DYRK3: variants seen among roughly 807,000 people sequenced by gnomAD.
The protein encoded by DYRK3 is dual specificity tyrosine phosphorylation regulated kinase 3.
A neutral mutation model predicts 40.8 loss-of-function variants in DYRK3; 30 were observed. That is an observed-to-expected ratio of 0.74 (90% CI 0.55 to 1.00). DYRK3 has a LOEUF of 1.00. DYRK3 is among the 50% of genes least tolerant of loss of function. The pLI, the probability that DYRK3 is intolerant of heterozygous loss-of-function variation, is 0.00. For synonymous variants in DYRK3, 272 were observed against 260.7 expected, an observed-to-expected ratio of 1.04 and a Z score of -0.42; for missense variants, 699 against 731.5, an observed-to-expected ratio of 0.96 and a Z score of 0.51.
At position 206,649,831 on chromosome 1, in the gene DYRK3, T is replaced by C. The variant is rs1198205909; in HGVS notation, c.*866T>C. ...GCCTCCTTGCTGCATTTTCATAGAATCTCTTCCTTATAAAAGTAATCACTC... is the reference window on the plus strand; with the variant it reads ...GCCTCCTTGCTGCATTTTCATAGAACCTCTTCCTTATAAAAGTAATCACTC... On this transcript the variant is annotated 3_prime_UTR_variant, in exon 3 of 3. Coordinates refer to ENST00000367109, the MANE Select transcript of DYRK3 (RefSeq NM_003582.4). 6.6e-6 allele frequency among the ~76,000 whole-genome samples: 1 copy of C among 152,180 alleles called. No individual in the cohort carries two copies. Among genetic ancestry groups the C allele is most frequent in the African/African-American group, 2.4e-5 (1 of 41,434 alleles).
chr1:206,647,974 A>C lies in DYRK3; in HGVS notation c.776A>C (p.His259Pro). 2 of 1,614,178 alleles carry C rather than the reference A, an allele frequency of 1.2e-6. No individual in the cohort carries two copies. The highest frequency in any genetic ancestry group is 4.5e-5 in the East Asian group (2 of 44,874). The change falls in exon 3 of 3, where the codon CAT becomes CCT. Residue 259 changes from histidine to proline, a missense_variant. Coordinates refer to ENST00000367109, the MANE Select transcript of DYRK3 (RefSeq NM_003582.4). ...QAAEEIRILE[H>P]LKKQDKTGSM... ...GCTGAGGAGATCCGGATTTTGGAGCATCTTAAGAAACAGGATAAAACTGGT... is the reference window on the plus strand; with the variant it reads ...GCTGAGGAGATCCGGATTTTGGAGCCTCTTAAGAAACAGGATAAAACTGGT...
At chr1:206,636,838 T>C in intron 1 of DYRK3, 1 of 1,425,622 alleles carries the variant, frequency 7.0e-7, no homozygotes, top group Non-Finnish European at 9.6e-7. Context: ...TCTTGTGGAT[T>C]AAATAAATCC....
intron 2 of DYRK3, among the ~76,000 whole-genome samples, 194 bp from the exon 3 acceptor site, chr1:206,647,194 A>G (rs1671480034): frequency 6.6e-6 from 1 of 152,206 alleles, no homozygotes; most frequent in Non-Finnish European, 1.5e-5. Context: ...GGATGGCCGC[A>G]ATATTCAGGG....
At position 206,653,867 on chromosome 1, in the gene DYRK3, AG is replaced by A. The variant is rs1671691558; in HGVS notation, c.*4904del. ...GGTGTTTAAGGGAGTTGGGGCAGAC[AG>A]GTTAGCTGGCTAATGTCATTACAAT... On this transcript the variant is annotated 3_prime_UTR_variant, in exon 3 of 3. Transcript: ENST00000367109. Among the ~76,000 whole-genome samples, 1 of 152,270 alleles carries A rather than the reference AG, an allele frequency of 6.6e-6. No homozygotes were observed. The highest frequency in any genetic ancestry group is 2.1e-4 in the South Asian group (1 of 4,836).
rs1671598436 is a variant in DYRK3 at position 206,650,282 on chromosome 1, T to C, written c.*1317T>C. Among the ~76,000 whole-genome samples, 1 of 152,340 alleles carries C rather than the reference T, an allele frequency of 6.6e-6. No homozygotes were observed. The highest frequency in any genetic ancestry group is 6.5e-5 in the Admixed American group (1 of 15,298). ...CAAGTTCTATCCTAAATGTGTGCTC[T>C]TGGCTGGGTATTAGTGGCTCATGCC... On this transcript the variant is annotated 3_prime_UTR_variant, in exon 3 of 3. Transcript: ENST00000367109.
intron 2 of DYRK3, among the ~76,000 whole-genome samples, chr1:206,646,694 C>G (rs895375058): frequency 6.6e-6 from 1 of 152,144 alleles, no homozygotes; most frequent in African/African-American, 2.4e-5. Context: ...AACATTCAGC[C>G]CTGCTAGTCT....
In DYRK3 at chr1:206,637,596, G is replaced by A. The variant is rs1417429172; in HGVS notation, c.78-54G>A. The A allele has an allele frequency of 2.4e-6, 3 of 1,239,254 alleles. No homozygotes were observed. The African/African-American group carries it at 4.5e-5, about 19-fold the overall frequency. The allele number at this position is 1,239,254 out of a possible 1,614,324, so 76.8% of individuals were successfully genotyped here. A position where few individuals can be genotyped will look rare whatever the true frequency, so the allele number is the denominator to read the frequency against. On this transcript the variant is annotated intron_variant, in intron 1 of 2. Coordinates refer to ENST00000367109, the MANE Select transcript of DYRK3 (RefSeq NM_003582.4). ...GCAGATATGAAGCAGTTAAGACATAGGATTCTATATTCTTCAGTTCCTGAC... is the reference window on the plus strand; with the variant it reads ...GCAGATATGAAGCAGTTAAGACATAAGATTCTATATTCTTCAGTTCCTGAC...
At chr1:206,646,836 G>A (rs1671468966) in intron 2 of DYRK3, among the ~76,000 whole-genome samples, 1 of 152,200 alleles carries the variant, frequency 6.6e-6, no homozygotes, top group South Asian at 2.1e-4. Context: ...ACTTCAGTAT[G>A]CATTATTTTC....
Position 206,653,736 on chromosome 1 carries a change from GTAAGGA to G in DYRK3, c.*4773_*4778del, listed in dbSNP as rs1239471776. Among the ~76,000 whole-genome samples, 3 of 152,202 alleles carry G rather than the reference GTAAGGA, an allele frequency of 2.0e-5. No individual in the cohort carries two copies. Among genetic ancestry groups the G allele is most frequent in the African/African-American group, 7.2e-5 (3 of 41,452 alleles). ...AATACCACCAAAACCTAACTATGATGTAAGGATTCTGCTTCTGCCCCACAGGGGCTC... is the reference window on the plus strand; with the variant it reads ...AATACCACCAAAACCTAACTATGATGTTCTGCTTCTGCCCCACAGGGGCTC... On this transcript the variant is annotated 3_prime_UTR_variant, in exon 3 of 3. Coordinates refer to ENST00000367109, the MANE Select transcript of DYRK3 (RefSeq NM_003582.4).
At chr1:206,637,223 A>G (rs1169258105) in intron 1 of DYRK3, among the ~76,000 whole-genome samples, 1 of 152,016 alleles carries the variant, frequency 6.6e-6, no homozygotes, top group East Asian at 1.9e-4. Context: ...CTCAGAGGAG[A>G]AGGTAGCACA....
chr1:206,647,547 C>T lies in DYRK3; in HGVS notation c.349C>T (p.Gln117Ter). 6.2e-7 allele frequency: 1 copy of T among 1,614,138 alleles called. No individual in the cohort carries two copies. The highest frequency in any genetic ancestry group is 8.5e-7 in the Non-Finnish European group (1 of 1,180,018). The change falls in exon 3 of 3, where the codon CAG becomes TAG. Residue 117 changes from glutamine to a stop codon, truncating the protein, a stop_gained. Coordinates refer to ENST00000367109, the MANE Select transcript of DYRK3 (RefSeq NM_003582.4). LOFTEE classifies it high-confidence loss of function. ...DSEKCSPTVS[Q>*]GKSSDCLNTV... is the part of the protein sequence containing the mutation. ...TGAAAAATGCTCTCCTACTGTTTCT[C>T]AGGGTAAAAGTTCAGATTGCTTGAA...
At chr1:206,645,841 AT>A (rs1427418128) in intron 2 of DYRK3, among the ~76,000 whole-genome samples, 10 of 150,966 alleles carry the variant, frequency 6.6e-5, no homozygotes, top group African/African-American at 2.4e-4. Context: ...TTTTTATTTT[AT>A]TTTTTATTTT....
Position 206,651,474 on chromosome 1 carries a change from C to T in DYRK3, c.*2509C>T, listed in dbSNP as rs1671630701. On this transcript the variant is annotated 3_prime_UTR_variant, in exon 3 of 3. Transcript: ENST00000367109. ...TCTCTGCCAACTCCAGGAAGTAGTACAGCATGATTGAATCCTTCTTCAGTG... is the reference window on the plus strand; with the variant it reads ...TCTCTGCCAACTCCAGGAAGTAGTATAGCATGATTGAATCCTTCTTCAGTG... Among the ~76,000 whole-genome samples, 1 of 152,228 alleles carries T rather than the reference C, an allele frequency of 6.6e-6. No individual in the cohort carries two copies. Among genetic ancestry groups the T allele is most frequent in the Admixed American group, 6.5e-5 (1 of 15,288 alleles).
chr1:206,654,996 T>TG lies in DYRK3; in HGVS notation c.*6032dup, dbSNP rs1671717666. 6.6e-6 allele frequency among the ~76,000 whole-genome samples: 1 copy of TG among 152,230 alleles called. No homozygotes were observed. The highest frequency in any genetic ancestry group is 1.5e-5 in the Non-Finnish European group (1 of 68,034). On this transcript the variant is annotated 3_prime_UTR_variant, in exon 3 of 3. Coordinates refer to ENST00000367109, the MANE Select transcript of DYRK3 (RefSeq NM_003582.4). The stretch of plus-strand genomic sequence containing the variant: ...TATTTCAGCTCAGAATGTCAGCCTC[T>TG]GAAGCATCAGGTTTGAATGACTTTG...
chr1:206,654,284 C>A lies in DYRK3; in HGVS notation c.*5319C>A, dbSNP rs1176273133. Among the ~76,000 whole-genome samples, 1 of 152,248 alleles carries A rather than the reference C, an allele frequency of 6.6e-6. No individual in the cohort carries two copies. The highest frequency in any genetic ancestry group is 1.9e-4 in the East Asian group (1 of 5,200). On this transcript the variant is annotated 3_prime_UTR_variant, in exon 3 of 3. Coordinates refer to ENST00000367109, the MANE Select transcript of DYRK3 (RefSeq NM_003582.4). ...TCTGAGAATTAAAAATACATACTTA[C>A]ACCTTGAGCCAGGTAGAATTGCCAG...
Position 206,648,318 on chromosome 1 carries a change from T to C in DYRK3, c.1120T>C (p.Phe374Leu), listed in dbSNP as rs1407906003. ...QKLYTYIQSRFYRAPEIILGS... is the reference protein window; with the variant it reads ...QKLYTYIQSRLYRAPEIILGS... ...GCTCTACACATATATCCAGTCTCGG[T>C]TCTACAGAGCTCCAGAAATCATCTT... Residue 374 changes from phenylalanine to leucine, a missense_variant, in exon 3 of 3, where the codon TTC becomes CTC. Phe to Leu is a conservative substitution (Grantham distance 22, BLOSUM62 0). Transcript: ENST00000367109. The C allele has an allele frequency of 2.5e-6, 4 of 1,614,132 alleles. No homozygotes were observed. Among genetic ancestry groups the C allele is most frequent in the Non-Finnish European group, 8.5e-7 (1 of 1,180,018 alleles).
Position 206,648,420 on chromosome 1 carries a change from C to G in DYRK3, c.1222C>G (p.Leu408Val). The G allele has an allele frequency of 6.2e-7, 1 of 1,614,170 alleles. No homozygotes were observed. The highest frequency in any genetic ancestry group is 8.5e-7 in the Non-Finnish European group (1 of 1,180,014). ...TGCAGAACTTTTAACAGGACAGCCT[C>G]TCTTCCCTGGAGAGGATGAAGGAGA... ...ILAELLTGQP[L>V]FPGEDEGDQL... Residue 408 changes from leucine (L) to valine (V), a missense_variant, in exon 3 of 3, where the codon CTC becomes GTC. Physicochemically the swap from Leu to Val is conservative, Grantham distance 32 (BLOSUM62 1). Coordinates refer to ENST00000367109, the MANE Select transcript of DYRK3 (RefSeq NM_003582.4).
chr1:206,645,447 A>T (rs1671424545), intron 2 of DYRK3, among the ~76,000 whole-genome samples: 1 of 151,942 alleles, frequency 6.6e-6, no homozygotes, highest in South Asian at 2.1e-4. Context: ...ACTTCCTTTT[A>T]TTTTTAAGAA....
rs909379648 is a variant in DYRK3 at position 206,654,518 on chromosome 1, T to A, written c.*5553T>A. Among the ~76,000 whole-genome samples, 1 of 152,228 alleles carries A rather than the reference T, an allele frequency of 6.6e-6. No individual in the cohort carries two copies. The highest frequency in any genetic ancestry group is 1.5e-5 in the Non-Finnish European group (1 of 68,042). ...CCTAGTTTTAAATATATTTTTAATA[T>A]CCCCATTTTAACATACTCCATTTTC... On this transcript the variant is annotated 3_prime_UTR_variant, in exon 3 of 3. Transcript: ENST00000367109.
Sources: gnomAD v4.1 joint callset for allele counts (sites outside exome capture counted in the v4.1 genomes callset) on GRCh38, gnomAD v4.1.1 for gene constraint, MANE v1.5 for transcripts, NCBI Gene and HGNC (gene_info 2026-07-23, HGNC 2026-07-21) for gene names.